SREBF2: variants seen among roughly 807,000 people sequenced by gnomAD.
SREBF2 encodes the protein sterol regulatory element-binding protein 2.
A neutral mutation model predicts 113.1 loss-of-function variants in SREBF2; 55 were observed. The ratio of observed to expected loss-of-function variants is 0.49; its 90% CI spans 0.39 to 0.61. The LOEUF (loss-of-function observed/expected upper bound fraction) is 0.61, where lower values mean the gene tolerates loss of function less well. SREBF2 is among the 20% of genes least tolerant of loss of function. SREBF2 has a pLI of 0.00. For synonymous variants in SREBF2, 593 were observed against 605.7 expected (o/e 0.98, Z 0.31); for missense variants, 1,349 against 1,487.4 (o/e 0.91, Z 1.53).
At chr22:41,878,668 G>A (rs767217575) in intron 9 of SREBF2, 19 of 1,304,120 alleles carry the variant, frequency 1.5e-5, no homozygotes, top group South Asian at 6.2e-5. Context: ...GGGAGTTTAC[G>A]GAAAAAAATC....
At chr22:41,859,180 A>G (rs1182273192) in intron 1 of SREBF2, among the ~76,000 whole-genome samples, 4 of 152,190 alleles carry the variant, frequency 2.6e-5, no homozygotes, top group Non-Finnish European at 2.9e-5. Context: ...TTTATAGACC[A>G]GAAAAACTAA....
At chr22:41,841,580 TA>T (rs1303991629) in intron 1 of SREBF2, among the ~76,000 whole-genome samples, 1 of 152,262 alleles carries the variant, frequency 6.6e-6, no homozygotes, top group East Asian at 1.9e-4. Context: ...TCTCATTGAA[TA>T]GGCTTTTATG....
chr22:41,836,846 G>C (rs2076780907), intron 1 of SREBF2, among the ~76,000 whole-genome samples: 1 of 152,168 alleles, frequency 6.6e-6, no homozygotes, highest in East Asian at 1.9e-4. Flanking sequence ...GGGATAAGGG[G>C]TGGATGCAAC....
At chr22:41,874,446 A>AG (rs753075336) in intron 5 of SREBF2, among the ~76,000 whole-genome samples, 9 of 152,324 alleles carry the variant, frequency 5.9e-5, no homozygotes, top group Non-Finnish European at 1.3e-4. Flanking sequence ...CATAGAGGAA[A>AG]CTGATGTTCC....
intron 8 of SREBF2, 59 bp downstream of exon 8, chr22:41,877,480 A>AC (rs34605689): frequency 1.3e-6 from 2 of 1,579,100 alleles, no homozygotes; most frequent in East Asian, 4.6e-5. Context: ...CAGGAGAAGG[A>AC]CCCTGTGTAC....
At chr22:41,859,963 G>A (rs540212207) in intron 1 of SREBF2, among the ~76,000 whole-genome samples, 164 of 151,486 alleles carry the variant, frequency 1.1e-3, no homozygotes, top group African/African-American at 3.7e-3. Flanking sequence ...CCGCCACCAC[G>A]CCCAGCTAAT....
chr22:41,899,696 C>A (rs1195718944), intron 15 of SREBF2: 9 of 565,552 alleles, frequency 1.6e-5, no homozygotes, highest in African/African-American at 2.0e-5. Context: ...TGTGTCTCCC[C>A]CAGTCGATGT....
intron 14 of SREBF2, 82 bp downstream of exon 14, chr22:41,897,243 T>G (rs1260033717): frequency 2.3e-6 from 2 of 877,456 alleles, no homozygotes; most frequent in African/African-American, 3.3e-5. Context: ...GTCCAGGGCG[T>G]TAGGAGTGTA....
chr22:41,905,738 T>TG lies in SREBF2; in HGVS notation c.*82dup, dbSNP rs2077503214. 7 of 1,451,362 alleles carry TG rather than the reference T, an allele frequency of 4.8e-6. No individual in the cohort carries two copies. The Admixed American group carries it at 1.2e-4, about 24-fold the overall frequency. 89.9% of individuals were successfully genotyped at this position (1,451,362 alleles called of 1,614,324 possible). A position where few individuals can be genotyped will look rare whatever the true frequency, so the allele number is the denominator to read the frequency against. On this transcript the variant is annotated 3_prime_UTR_variant, in exon 19 of 19. Transcript: ENST00000361204. ...CTCAGCATCTTCCCGCTGAGAGTGG[T>TG]GGGGAAGAGCCTTGTCTTCTTAGCT...
intron 3 of SREBF2, 27 bp downstream of exon 3, chr22:41,868,819 G>A (rs1164176747): frequency 1.3e-6 from 2 of 1,583,458 alleles, no homozygotes; most frequent in South Asian, 1.1e-5. Context: ...GATTCAGGGA[G>A]GCACTGGTTG....
intron 1 of SREBF2, among the ~76,000 whole-genome samples, chr22:41,838,095 A>G (rs2076796163): frequency 6.6e-6 from 1 of 152,116 alleles, no homozygotes; most frequent in South Asian, 2.1e-4. Context: ...CTCATGTGCC[A>G]TTACACACCA....
At chr22:41,843,213 C>T (rs905129384) in intron 1 of SREBF2, among the ~76,000 whole-genome samples, 1 of 152,220 alleles carries the variant, frequency 6.6e-6, no homozygotes, top group Non-Finnish European at 1.5e-5. Context: ...TCTAAGTGAA[C>T]GTGACTCATC....
chr22:41,901,671 C>A (rs967910350), intron 16 of SREBF2, among the ~76,000 whole-genome samples: 2 of 152,178 alleles, frequency 1.3e-5, no homozygotes, highest in East Asian at 3.8e-4. Flanking sequence ...TAAAAAAAAG[C>A]TGGTGGGGGT....
At chr22:41,885,782 A>C (rs1008702230) in intron 11 of SREBF2, 1 of 152,968 alleles carries the variant, frequency 6.5e-6, no homozygotes, top group South Asian at 2.1e-4. Context: ...CCACATCTCT[A>C]TTTGTTTCCG....
intron 11 of SREBF2, among the ~76,000 whole-genome samples, chr22:41,892,647 C>CAAA (rs397967305): frequency 0.024 from 1,841 of 76,866 alleles, 84 homozygotes; most frequent in African/African-American, 0.073. Context: ...AACTCCGTCT[C>CAAA]AAAAAAAAAA....
chr22:41,897,448 A>G (rs2077426762), intron 14 of SREBF2, among the ~76,000 whole-genome samples: 1 of 152,196 alleles, frequency 6.6e-6, no homozygotes, highest in Non-Finnish European at 1.5e-5. Flanking sequence ...AGAACAAGCA[A>G]TGAGTGGCCC....
Position 41,859,799 on chromosome 22 carries a change from C to CTTTTTTTTTTTT in SREBF2, c.89-7014_89-7003dup, listed in dbSNP as rs1174473976. Among the ~76,000 whole-genome samples, 11 of 54,346 alleles carry CTTTTTTTTTTTT rather than the reference C, an allele frequency of 2.0e-4. 2 individuals are homozygous for CTTTTTTTTTTTT. The highest frequency in any genetic ancestry group is 1.4e-4 in the Non-Finnish European group (4 of 29,548). 35.7% of individuals were successfully genotyped at this position (54,346 alleles called of 152,430 possible). A position where few individuals can be genotyped will look rare whatever the true frequency, so the allele number is the denominator to read the frequency against. On this transcript the variant is annotated intron_variant, in intron 1 of 18. Coordinates refer to ENST00000361204, the MANE Select transcript of SREBF2 (RefSeq NM_004599.4). ...GTTCCAAGGCTAGGATATGGTGATT[C>CTTTTTTTTTTTT]TTTTTTTTTTTTTTTTTTTTTTTTT...
chr22:41,856,841 G>A (rs1244166472), intron 1 of SREBF2, among the ~76,000 whole-genome samples: 1 of 152,154 alleles, frequency 6.6e-6, no homozygotes, highest in Non-Finnish European at 1.5e-5. Flanking sequence ...TTGGGAGGCT[G>A]AGGCAGGTGG....
intron 15 of SREBF2, chr22:41,899,896 T>C: frequency 9.2e-7 from 1 of 1,087,518 alleles, no homozygotes; most frequent in Non-Finnish European, 1.1e-6. Context: ...AGCCTCCCCT[T>C]CCACTCCCAG....
Sources: gnomAD v4.1 joint callset for allele counts (sites outside exome capture counted in the v4.1 genomes callset) on GRCh38, gnomAD v4.1.1 for gene constraint, MANE v1.5 for transcripts, NCBI Gene and HGNC (gene_info 2026-07-23, HGNC 2026-07-21) for gene names.